STK39: variants seen among roughly 807,000 people sequenced by gnomAD.
STK39 encodes serine/threonine kinase 39.
In STK39, 20 loss-of-function variants were observed where a neutral mutation model predicts 77.8. The ratio of observed to expected loss-of-function variants is 0.26; its 90% CI spans 0.18 to 0.37. The LOEUF is 0.37. Ranked by LOEUF, STK39 falls within the 10% of genes least tolerant of loss-of-function variation. The probability of loss-of-function intolerance (pLI) is 1.00; values close to 1 mark genes in which losing one functional copy is unlikely to be tolerated. For missense variants in STK39, 479 were observed against 656.5 expected (o/e 0.73, Z 2.95); for synonymous variants, 246 against 234.1 (o/e 1.05, Z -0.47).
chr2:168,129,176 G>A (rs531066464), intron 10 of STK39, among the ~76,000 whole-genome samples: 2 of 152,078 alleles, frequency 1.3e-5, no homozygotes, highest in Admixed American at 6.6e-5. Flanking sequence ...TATCTTCATC[G>A]TTACAAACTT....
intron 1 of STK39, among the ~76,000 whole-genome samples, chr2:168,245,438 G>A (rs774675205): frequency 1.3e-5 from 2 of 152,154 alleles, no homozygotes; most frequent in Non-Finnish European, 2.9e-5. Context: ...ATCTTGTTGC[G>A]CAAATAACAA....
intron 14 of STK39, among the ~76,000 whole-genome samples, chr2:168,055,992 C>T (rs1259445396): frequency 1.3e-5 from 2 of 152,002 alleles, no homozygotes; most frequent in African/African-American, 4.8e-5. Flanking sequence ...TCATAGATGA[C>T]ATTATCATAT....
intron 15 of STK39, among the ~76,000 whole-genome samples, chr2:168,014,969 A>G (rs564302976): frequency 6.6e-6 from 1 of 152,334 alleles, no homozygotes; most frequent in African/African-American, 2.4e-5. Flanking sequence ...GCACCAGATG[A>G]GTCATACCAA....
intron 4 of STK39, among the ~76,000 whole-genome samples, chr2:168,162,436 A>G (rs1016306145): frequency 5.9e-5 from 9 of 152,084 alleles, no homozygotes; most frequent in Non-Finnish European, 1.0e-4. Flanking sequence ...TAGACTCTCT[A>G]TTTTATGCTT....
chr2:167,982,467 A>C (rs1683443961), intron 16 of STK39, among the ~76,000 whole-genome samples: 1 of 152,342 alleles, frequency 6.6e-6, no homozygotes, highest in South Asian at 2.1e-4. Flanking sequence ...TACTTTTGAT[A>C]GGTTATTCCC....
At chr2:168,112,785 T>A (rs983693394) in intron 10 of STK39, 72 of 152,254 alleles carry the variant, frequency 4.7e-4, no homozygotes, top group African/African-American at 1.6e-3. Flanking sequence ...AAAATGATAT[T>A]TATACAACAT....
chr2:168,049,737 G>A lies in STK39; in HGVS notation c.1376+13763C>T, dbSNP rs144155506. 4.9e-4 allele frequency among the ~76,000 whole-genome samples: 75 copies of A among 152,342 alleles called. 1 individual carries two copies. The East Asian group carries it at 0.012, about 24-fold the overall frequency. On this transcript the variant is annotated intron_variant, in intron 14 of 17. Coordinates refer to ENST00000355999, the MANE Select transcript of STK39 (RefSeq NM_013233.3). ...ATCCATAATAGTAACTATGACTCCA[G>A]CCACCAGCTGAGAACTAGCAATTCT... is the stretch of plus-strand genomic sequence containing the variant.
At chr2:168,069,253 A>G (rs1329097149) in intron 12 of STK39, among the ~76,000 whole-genome samples, 1 of 152,236 alleles carries the variant, frequency 6.6e-6, no homozygotes, top group East Asian at 1.9e-4. Flanking sequence ...GCAGTCTTAA[A>G]TGACATGTGA....
At chr2:168,169,256 G>A (rs1688763894) in intron 2 of STK39, among the ~76,000 whole-genome samples, 1 of 152,096 alleles carries the variant, frequency 6.6e-6, no homozygotes, top group South Asian at 2.1e-4. Context: ...AAGGAGAAAT[G>A]GAACACTGCC....
chr2:168,237,253 A>G lies in STK39; in HGVS notation c.208+9975T>C, dbSNP rs370250012. ...TGATTTGGCTCTCTGTTTGTCTGTT[A>G]TTGGTGTATAAGAATGCTTGTGATT... On this transcript the variant is annotated intron_variant, in intron 1 of 17. Transcript: ENST00000355999. Among the ~76,000 whole-genome samples the G allele has an allele frequency of 7.8e-3, 1,187 of 152,170 alleles. 14 individuals carry two copies. Among genetic ancestry groups the G allele is most frequent in the African/African-American group, 0.022 (931 of 41,506 alleles).
Position 168,010,216 on chromosome 2 carries a change from A to C in STK39, c.1498+2418T>G, listed in dbSNP as rs1383199439. On this transcript the variant is annotated intron_variant, in intron 16 of 17. Coordinates refer to ENST00000355999, the MANE Select transcript of STK39 (RefSeq NM_013233.3). The stretch of plus-strand genomic sequence containing the variant: ...ATTTTCACTTGCTGATTAATTTTCT[A>C]TTCTGGATGCTTAGCATATGGACCA... Among the ~76,000 whole-genome samples, 6 of 152,000 alleles carry C rather than the reference A, an allele frequency of 3.9e-5. No individual in the cohort carries two copies. In the East Asian group the frequency reaches 7.7e-4, roughly 20 times the overall value.
intron 14 of STK39, among the ~76,000 whole-genome samples, chr2:168,023,108 G>A (rs1486794870): frequency 1.3e-5 from 2 of 152,038 alleles, no homozygotes; most frequent in African/African-American, 2.4e-5. Context: ...AGAGACAAGG[G>A]TCTTGCTATG....
At chr2:168,123,003 G>T (rs1214333024) in intron 10 of STK39, among the ~76,000 whole-genome samples, 1 of 152,162 alleles carries the variant, frequency 6.6e-6, no homozygotes, top group Non-Finnish European at 1.5e-5. Flanking sequence ...TGATCAAAGT[G>T]AACGTTGCCA....
At chr2:168,101,942 T>A (rs1559097789) in intron 10 of STK39, among the ~76,000 whole-genome samples, 1 of 151,994 alleles carries the variant, frequency 6.6e-6, no homozygotes, top group Non-Finnish European at 1.5e-5. Flanking sequence ...ATGCCCCAAT[T>A]TCCCCCTACC....
intron 14 of STK39, among the ~76,000 whole-genome samples, chr2:168,031,369 G>C (rs1684829465): frequency 6.6e-6 from 1 of 152,114 alleles, no homozygotes; most frequent in South Asian, 2.1e-4. Flanking sequence ...GCTTCCCAGG[G>C]ATGCCCCTTC....
intron 14 of STK39, among the ~76,000 whole-genome samples, chr2:168,050,990 A>C (rs1685380943): frequency 6.6e-6 from 1 of 152,232 alleles, no homozygotes; most frequent in Non-Finnish European, 1.5e-5. Flanking sequence ...TTCAACAGGG[A>C]AAGAAAAGTT....
intron 10 of STK39, among the ~76,000 whole-genome samples, chr2:168,122,674 C>T (rs1687439115): frequency 6.6e-6 from 1 of 152,018 alleles, no homozygotes; most frequent in African/African-American, 2.4e-5. Context: ...TGGGTTCTAG[C>T]AATCCTCCCA....
intron 2 of STK39, among the ~76,000 whole-genome samples, chr2:168,168,179 G>A (rs10432463): frequency 0.095 from 14,459 of 152,062 alleles, 1,322 homozygotes; most frequent in East Asian, 0.32. Flanking sequence ...CACTGCTGTA[G>A]AGAATAAAAT....
Position 167,955,563 on chromosome 2 carries a change from C to T in STK39, c.1571G>A (p.Gly524Asp). ...ATCAGGAATCTCCGACCCATCACAGCCAGAAGCCTGAAAAGGGAAAAAGAA... is the reference window on the plus strand; with the variant it reads ...ATCAGGAATCTCCGACCCATCACAGTCAGAAGCCTGAAAAGGGAAAAAGAA... ...LKTLTFKLAS[G>D]CDGSEIPDEV... The change falls in exon 18 of 18, where the codon GGC (glycine) becomes GAC (aspartate). Residue 524 changes from glycine (G) to aspartate (D), a missense_variant. Transcript: ENST00000355999. 6.2e-7 allele frequency: 1 copy of T among 1,613,590 alleles called. No individual in the cohort carries two copies. The highest frequency in any genetic ancestry group is 8.5e-7 in the Non-Finnish European group (1 of 1,179,762).
Sources: gnomAD v4.1 joint callset for allele counts (sites outside exome capture counted in the v4.1 genomes callset) on GRCh38, gnomAD v4.1.1 for gene constraint, MANE v1.5 for transcripts, NCBI Gene and HGNC (gene_info 2026-07-23, HGNC 2026-07-21) for gene names.